Variants in NUB1 observed in about 807,000 individuals in gnomAD.
NUB1 encodes the protein negative regulator of ubiquitin like proteins 1, also known as NEDD8 ultimate buster 1.
NUB1 carries 41 observed loss-of-function variants against 77.1 expected under a neutral mutation model. The observed-to-expected ratio is 0.53, with a 90% CI of 0.41 to 0.69. The LOEUF is 0.69. NUB1 is among the 30% of genes least tolerant of loss of function. The probability of loss-of-function intolerance (pLI) is 0.00; values close to 1 mark genes in which losing one functional copy is unlikely to be tolerated. For missense variants in NUB1, 643 were observed against 743.8 expected (o/e 0.86, Z 1.58); for synonymous variants, 257 against 281.0 (o/e 0.91, Z 0.85).
chr7:151,345,542 C>A, intron 2 of NUB1, 76 bp downstream of exon 2: 1 of 828,100 alleles, frequency 1.2e-6, no homozygotes, highest in Non-Finnish European at 1.9e-6. Flanking sequence ...AATTGTCAGG[C>A]ATGACCATAT....
At chr7:151,358,979 G>A (rs552122983) in intron 7 of NUB1, among the ~76,000 whole-genome samples, 2 of 151,994 alleles carry the variant, frequency 1.3e-5, no homozygotes, top group East Asian at 3.9e-4. Flanking sequence ...GTGGAAGAAT[G>A]GCGTGAACTC....
chr7:151,369,452 T>C (rs896261087), intron 11 of NUB1, among the ~76,000 whole-genome samples: 12 of 152,234 alleles, frequency 7.9e-5, no homozygotes, highest in Admixed American at 7.8e-4. Flanking sequence ...AACAAAATTG[T>C]TTTTTCATGA....
intron 4 of NUB1, chr7:151,352,162 C>G: frequency 2.2e-6 from 1 of 456,670 alleles, no homozygotes; most frequent in Non-Finnish European, 4.4e-6. Flanking sequence ...GATCAGCCCC[C>G]GCTATGGGCT....
At chr7:151,357,061 G>C (rs1797101032) in intron 7 of NUB1, among the ~76,000 whole-genome samples, 1 of 152,048 alleles carries the variant, frequency 6.6e-6, no homozygotes, top group Non-Finnish European at 1.5e-5. Flanking sequence ...CTGTCACCCA[G>C]GCTGGAGTAC....
rs150962072 is a variant in NUB1, at chr7:151,355,281, G to A, written c.416-487G>A. Among the ~76,000 whole-genome samples the A allele has an allele frequency of 4.1e-3, 630 of 152,296 alleles. 7 individuals are homozygous for A. Among genetic ancestry groups the A allele is most frequent in the African/African-American group, 0.014 (594 of 41,564 alleles). On this transcript the variant is annotated intron_variant, in intron 5 of 14. Coordinates refer to ENST00000568733, the MANE Select transcript of NUB1 (RefSeq NM_001243351.2). ...AAAGATGAATTTAGTTGATTCTATT[G>A]TCGCTAGCTGATTTTAACCACTGCT...
chr7:151,362,712 A>G (rs1797439527), intron 8 of NUB1, among the ~76,000 whole-genome samples: 1 of 152,208 alleles, frequency 6.6e-6, no homozygotes, highest in Non-Finnish European at 1.5e-5. Flanking sequence ...AGGTGAGAGG[A>G]GCAAGCTGCC....
At position 151,375,829 on chromosome 7, in the gene NUB1, G is replaced by A. The variant is rs1252670946; in HGVS notation, c.1396-19G>A. 2 of 1,522,614 alleles carry A rather than the reference G, an allele frequency of 1.3e-6. No homozygotes were observed. Among genetic ancestry groups the A allele is most frequent in the African/African-American group, 1.4e-5 (1 of 73,204 alleles). The allele number at this position is 1,522,614 out of a possible 1,614,324, so 94.3% of individuals were successfully genotyped here. On this transcript the variant is annotated intron_variant, in intron 12 of 14. Transcript: ENST00000568733. ...AAGAGTTCTTAGTGATGGGTAAAGG[G>A]TGTTCCTGTGTGTTTTAGATTCTGC... is the stretch of plus-strand genomic sequence containing the variant.
intron 3 of NUB1, chr7:151,351,103 A>G: frequency 3.4e-6 from 1 of 293,314 alleles, no homozygotes; most frequent in Non-Finnish European, 6.4e-6. Flanking sequence ...GGCAAAGGGG[A>G]GGGAATGGGG....
At chr7:151,356,075 C>A in intron 6 of NUB1, 53 bp from the exon 7 acceptor site, 1 of 1,556,800 alleles carries the variant, frequency 6.4e-7, no homozygotes, top group Non-Finnish European at 8.9e-7. Context: ...AGGCTGTCAT[C>A]ATCATAACTG....
chr7:151,344,566 C>G (rs529552343), intron 1 of NUB1, among the ~76,000 whole-genome samples: 12 of 151,268 alleles, frequency 7.9e-5, no homozygotes, highest in African/African-American at 2.9e-4. Flanking sequence ...AGCTCCTGAA[C>G]TCAGCCTCCC....
chr7:151,360,068 G>T, intron 7 of NUB1, 73 bp from the exon 8 acceptor site: 1 of 675,106 alleles, frequency 1.5e-6, no homozygotes, highest in East Asian at 2.8e-5. Context: ...TTTTTAAAAA[G>T]TAATATGCTT....
chr7:151,345,511 T>G, intron 2 of NUB1, 45 bp downstream of exon 2: 1 of 1,017,706 alleles, frequency 9.8e-7, no homozygotes, highest in Non-Finnish European at 1.5e-6. Context: ...ATTATAAATC[T>G]CCTTGGTAAA....
chr7:151,370,330 C>T (rs2150709326), intron 11 of NUB1, among the ~76,000 whole-genome samples: 1 of 152,242 alleles, frequency 6.6e-6, no homozygotes, highest in Admixed American at 6.5e-5. Context: ...CTCAAGTGAT[C>T]CTCCCGCCTT....
At chr7:151,348,685 C>T (rs748530591) in intron 2 of NUB1, among the ~76,000 whole-genome samples, 4 of 141,586 alleles carry the variant, frequency 2.8e-5, no homozygotes, top group Non-Finnish European at 6.0e-5. Flanking sequence ...AAGCGATTCT[C>T]CTGCCTCAGC....
intron 13 of NUB1, 35 bp from the exon 14 acceptor site, chr7:151,376,599 G>C (rs1207621644): frequency 1.9e-6 from 3 of 1,561,738 alleles, no homozygotes; most frequent in South Asian, 2.3e-5. Flanking sequence ...AGAGGCGCCA[G>C]GGGCTGATGC....
chr7:151,358,831 G>A (rs962866533), intron 7 of NUB1, among the ~76,000 whole-genome samples: 50 of 151,916 alleles, frequency 3.3e-4, no homozygotes, highest in Admixed American at 1.2e-3. Flanking sequence ...TTGGGAGGCC[G>A]AGGTGGGTGG....
At chr7:151,372,747 G>C (rs1798020112) in intron 11 of NUB1, among the ~76,000 whole-genome samples, 1 of 152,134 alleles carries the variant, frequency 6.6e-6, no homozygotes, top group South Asian at 2.1e-4. Flanking sequence ...CGGGCTTTCA[G>C]GTAGGTGACT....
At chr7:151,360,063 A>T in intron 7 of NUB1, 78 bp from the exon 8 acceptor site, 1 of 641,688 alleles carries the variant, frequency 1.6e-6, no homozygotes, top group Non-Finnish European at 2.6e-6. Context: ...TTTGTTTTTT[A>T]AAAAGTAATA....
intron 2 of NUB1, among the ~76,000 whole-genome samples, chr7:151,347,979 G>A (rs965262640): frequency 9.2e-5 from 14 of 152,274 alleles, no homozygotes; most frequent in African/African-American, 2.2e-4. Context: ...GGAGTATCCC[G>A]TAACTGAAAT....
Sources: allele counts gnomAD v4.1 joint callset (sites outside exome capture counted in the v4.1 genomes callset), GRCh38; gene constraint gnomAD v4.1.1; transcripts MANE v1.5; gene names NCBI Gene and HGNC (gene_info 2026-07-23, HGNC 2026-07-21).